The following CMSS1 variants were observed in gnomAD, a reference collection of about 807,000 sequenced individuals.
CMSS1 encodes the protein cms1 ribosomal small subunit homolog.
A neutral mutation model predicts 43.5 loss-of-function variants in CMSS1; 33 were observed. The ratio of observed to expected loss-of-function variants is 0.76; its 90% CI spans 0.57 to 1.01. The LOEUF (loss-of-function observed/expected upper bound fraction) is 1.01, where lower values mean the gene tolerates loss of function less well. Among genes scored for constraint, CMSS1 ranks in the 50% least tolerant of loss-of-function variants. The pLI is 0.00. For missense variants in CMSS1, 313 were observed against 326.4 expected, an observed-to-expected ratio of 0.96 and a Z score of 0.32; for synonymous variants, 115 against 117.2, an observed-to-expected ratio of 0.98 and a Z score of 0.12.
chr3:99,920,871 C>T (rs1412864026), intron 1 of CMSS1, among the ~76,000 whole-genome samples: 1 of 152,186 alleles, frequency 6.6e-6, no homozygotes. Flanking sequence ...ACCTCAATCA[C>T]GTAGTTCTTA....
intron 1 of CMSS1, among the ~76,000 whole-genome samples, chr3:99,839,224 G>T (rs1476398045): frequency 6.6e-6 from 1 of 152,118 alleles, no homozygotes; most frequent in Non-Finnish European, 1.5e-5. Context: ...TGTCTATATA[G>T]TTCCTTCTCT....
chr3:100,164,468 G>A (rs1373480635), intron 4 of CMSS1, among the ~76,000 whole-genome samples: 1 of 152,148 alleles, frequency 6.6e-6, no homozygotes, highest in African/African-American at 2.4e-5. Flanking sequence ...TGGTATTATT[G>A]TTTTATTAGA....
At chr3:100,030,885 G>A (rs1043547396) in intron 1 of CMSS1, among the ~76,000 whole-genome samples, 7 of 152,120 alleles carry the variant, frequency 4.6e-5, no homozygotes, top group African/African-American at 1.7e-4. Flanking sequence ...TTTCTTTACT[G>A]TGCAACTATA....
intron 1 of CMSS1, among the ~76,000 whole-genome samples, chr3:99,832,905 A>G (rs966686697): frequency 6.9e-6 from 1 of 145,552 alleles, no homozygotes; most frequent in Admixed American, 7.0e-5. Context: ...GACATGTTTC[A>G]GTAAATGAGG....
intron 1 of CMSS1, among the ~76,000 whole-genome samples, chr3:99,979,620 A>C (rs960908574): frequency 5.3e-5 from 8 of 152,254 alleles, no homozygotes; most frequent in Non-Finnish European, 1.2e-4. Context: ...GAATAAAATG[A>C]GACCTGTTAT....
chr3:100,141,343 T>C (rs1443483889), intron 1 of CMSS1, among the ~76,000 whole-genome samples: 2 of 152,224 alleles, frequency 1.3e-5, no homozygotes, highest in Non-Finnish European at 2.9e-5. Flanking sequence ...TATGTGCAAC[T>C]AGCTTCCTCT....
At chr3:100,161,047 T>C (rs977659209) in intron 3 of CMSS1, among the ~76,000 whole-genome samples, 1 of 152,226 alleles carries the variant, frequency 6.6e-6, no homozygotes, top group Non-Finnish European at 1.5e-5. Context: ...CTTTCTCATA[T>C]ACAAACTTTT....
At chr3:100,079,276 C>G (rs762303831) in intron 1 of CMSS1, among the ~76,000 whole-genome samples, 12 of 152,056 alleles carry the variant, frequency 7.9e-5, no homozygotes, top group Non-Finnish European at 1.2e-4. Context: ...TTCTGTTGGT[C>G]GAAGTATTCA....
chr3:99,911,354 A>G (rs1037014113), intron 1 of CMSS1, among the ~76,000 whole-genome samples: 3 of 149,814 alleles, frequency 2.0e-5, no homozygotes, highest in Non-Finnish European at 4.4e-5. Flanking sequence ...ATAACAAAAT[A>G]ATAAGTATTA....
At chr3:99,935,824 T>A (rs530203663) in intron 1 of CMSS1, among the ~76,000 whole-genome samples, 1 of 152,266 alleles carries the variant, frequency 6.6e-6, no homozygotes, top group Non-Finnish European at 1.5e-5. Context: ...TGGGCTTAAG[T>A]TAGTTGAAAT....
intron 1 of CMSS1, among the ~76,000 whole-genome samples, chr3:99,915,603 A>T (rs1489026822): frequency 1.3e-5 from 2 of 152,182 alleles, no homozygotes; most frequent in African/African-American, 4.8e-5. Flanking sequence ...GTGATTTACC[A>T]AAAAGAAGAA....
chr3:99,856,586 G>A (rs1030182278), intron 1 of CMSS1, among the ~76,000 whole-genome samples: 4 of 152,232 alleles, frequency 2.6e-5, no homozygotes, highest in Non-Finnish European at 5.9e-5. Flanking sequence ...CTTTCCGTTA[G>A]AGTTTCTACT....
intron 1 of CMSS1, among the ~76,000 whole-genome samples, chr3:100,053,285 G>C (rs1318620378): frequency 2.0e-5 from 3 of 152,300 alleles, no homozygotes; most frequent in African/African-American, 7.2e-5. Context: ...CACAGTTCTA[G>C]AGGCTAGAAG....
chr3:100,165,350 T>C (rs929492156), intron 4 of CMSS1, among the ~76,000 whole-genome samples: 1 of 152,168 alleles, frequency 6.6e-6, no homozygotes, highest in Non-Finnish European at 1.5e-5. Flanking sequence ...TATTGTATTG[T>C]TATGTTGTGT....
At chr3:100,007,505 T>C (rs928879322) in intron 1 of CMSS1, among the ~76,000 whole-genome samples, 1 of 151,976 alleles carries the variant, frequency 6.6e-6, no homozygotes, top group Non-Finnish European at 1.5e-5. Context: ...GATGCAAAAG[T>C]CTAGTCAGCA....
Position 100,172,382 on chromosome 3 carries a change from A to C in CMSS1, c.646A>C (p.Ile216Leu), listed in dbSNP as rs1445595157. ...VHLGVGTPGRIKELVKQGGLN... is the reference protein window; with the variant it reads ...VHLGVGTPGRLKELVKQGGLN... ...CCTGGGTGTAGGAACTCCGGGGAGA[A>C]TTAAAGAACTTGTTAAACAAGGTAT... The change falls in exon 8 of 10, where the codon ATT becomes CTT. Residue 216 changes from isoleucine (I) to leucine (L), a missense_variant. Coordinates refer to ENST00000421999, the MANE Select transcript of CMSS1 (RefSeq NM_032359.4). The C allele has an allele frequency of 6.2e-7, 1 of 1,613,772 alleles. No homozygotes were observed. The highest frequency in any genetic ancestry group is 2.2e-5 in the East Asian group (1 of 44,890).
At chr3:99,853,849 G>C (rs1473785906) in intron 1 of CMSS1, among the ~76,000 whole-genome samples, 1 of 152,154 alleles carries the variant, frequency 6.6e-6, no homozygotes, top group Admixed American at 6.5e-5. Context: ...AGGTAAACAA[G>C]AATTTATATG....
At chr3:99,940,674 G>C (rs79834605) in intron 1 of CMSS1, among the ~76,000 whole-genome samples, 5 of 152,266 alleles carry the variant, frequency 3.3e-5, no homozygotes, top group Admixed American at 3.3e-4. Context: ...AGATAAAAAT[G>C]CACCTTTCAG....
At chr3:99,945,969 G>T (rs1238515950) in intron 1 of CMSS1, among the ~76,000 whole-genome samples, 1 of 152,164 alleles carries the variant, frequency 6.6e-6, no homozygotes, top group Non-Finnish European at 1.5e-5. Flanking sequence ...CATATCCTCT[G>T]CCTAGCAGCT....
Sources: allele counts gnomAD v4.1 joint callset (sites outside exome capture counted in the v4.1 genomes callset), GRCh38; gene constraint gnomAD v4.1.1; transcripts MANE v1.5; gene names NCBI Gene and HGNC (gene_info 2026-07-23, HGNC 2026-07-21).